The following GRAP2 variants were observed in gnomAD, a reference collection of about 807,000 sequenced individuals.
The protein encoded by GRAP2 is GRB2 related adaptor protein 2, also known as GRB2-related adapter protein 2.
A neutral mutation model predicts 43.5 loss-of-function variants in GRAP2; 31 were observed. That is an observed-to-expected ratio of 0.71 (90% CI 0.54 to 0.96). The LOEUF (loss-of-function observed/expected upper bound fraction) is 0.96. Among genes scored for constraint, GRAP2 ranks in the 40% least tolerant of loss-of-function variants. The pLI, the probability that GRAP2 is intolerant of heterozygous loss-of-function variation, is 0.00. For synonymous variants in GRAP2, 156 were observed against 164.8 expected, an observed-to-expected ratio of 0.95 and a Z score of 0.41; for missense variants, 371 against 424.4, an observed-to-expected ratio of 0.87 and a Z score of 1.11.
At chr22:39,962,727 G>A (rs779191385) in intron 4 of GRAP2, among the ~76,000 whole-genome samples, 1 of 151,880 alleles carries the variant, frequency 6.6e-6, no homozygotes, top group Non-Finnish European at 1.5e-5. Flanking sequence ...GCGCAATCTC[G>A]GCTCCCTGCA....
intron 1 of GRAP2, among the ~76,000 whole-genome samples, chr22:39,917,902 G>C (rs1398215216): frequency 6.6e-6 from 1 of 152,160 alleles, no homozygotes; most frequent in East Asian, 1.9e-4. Context: ...AAAAAATGAA[G>C]ACAACTCTGC....
chr22:39,955,979 A>G (rs1426350603), intron 3 of GRAP2, 69 bp downstream of exon 3: 6 of 809,782 alleles, frequency 7.4e-6, no homozygotes, highest in South Asian at 1.4e-5. Context: ...AGCAGTCACT[A>G]CAGTTATCCA....
chr22:39,917,784 T>A (rs1318737102), intron 1 of GRAP2, among the ~76,000 whole-genome samples: 1 of 152,248 alleles, frequency 6.6e-6, no homozygotes, highest in African/African-American at 2.4e-5. Flanking sequence ...GAAAAATTAA[T>A]GGCATTAGGG....
chr22:39,923,721 A>G (rs1366769639), intron 1 of GRAP2, among the ~76,000 whole-genome samples: 1 of 152,240 alleles, frequency 6.6e-6, no homozygotes, highest in Non-Finnish European at 1.5e-5. Context: ...CTGGACTTAA[A>G]ACAGTTTTTA....
intron 6 of GRAP2, 99 bp downstream of exon 6, chr22:39,968,371 A>G: frequency 7.0e-7 from 1 of 1,425,078 alleles, no homozygotes; most frequent in Middle Eastern, 2.0e-4. Context: ...AGAGTTCATG[A>G]TGAAGACCCT....
At chr22:39,945,675 T>C (rs2066914584) in intron 1 of GRAP2, among the ~76,000 whole-genome samples, 1 of 152,226 alleles carries the variant, frequency 6.6e-6, no homozygotes, top group South Asian at 2.1e-4. Context: ...CAGGATTTGA[T>C]AGTCATGGAG....
At chr22:39,944,874 A>T (rs1239012116) in intron 1 of GRAP2, among the ~76,000 whole-genome samples, 1 of 152,240 alleles carries the variant, frequency 6.6e-6, no homozygotes, top group Admixed American at 6.5e-5. Flanking sequence ...CCTTGTCTCC[A>T]TCCTGCTTAT....
chr22:39,967,726 A>G (rs554763370), intron 5 of GRAP2, among the ~76,000 whole-genome samples: 2 of 152,338 alleles, frequency 1.3e-5, no homozygotes, highest in African/African-American at 2.4e-5. Context: ...TTGTATCAGT[A>G]AAATGGAATA....
At chr22:39,913,712 C>T (rs1194238273) in intron 1 of GRAP2, among the ~76,000 whole-genome samples, 3 of 152,118 alleles carry the variant, frequency 2.0e-5, no homozygotes, top group Non-Finnish European at 2.9e-5. Context: ...GAACAGAACT[C>T]GAGAGGTCCT....
Position 39,911,561 on chromosome 22 carries a change from A to G in GRAP2, c.-15+10231A>G, listed in dbSNP as rs528984455. On this transcript the variant is annotated intron_variant, in intron 1 of 7. Transcript: ENST00000344138. ...CGCAGAGAGCTCACAGGTAACTTGT[A>G]TAATATTTATCATTTCAAGCTCATA... Among the ~76,000 whole-genome samples, 3 of 152,224 alleles carry G rather than the reference A, an allele frequency of 2.0e-5. No homozygotes were observed. In the East Asian group the frequency reaches 5.8e-4, roughly 29 times the overall value.
chr22:39,940,437 G>A (rs537458380), intron 1 of GRAP2, among the ~76,000 whole-genome samples: 1 of 149,398 alleles, frequency 6.7e-6, no homozygotes, highest in Non-Finnish European at 1.5e-5. Context: ...ATTGATTTGG[G>A]TCTCTAGAAG....
rs547154038 is a variant in GRAP2 at position 39,960,416 on chromosome 22, C to G, written c.290+242C>G. On this transcript the variant is annotated intron_variant, in intron 4 of 7. Transcript: ENST00000344138. ...TTTCTACGCCCATCTGCCTCCCCTT[C>G]TAGCCCAGGTGCTTCTGGAAGGGCA... The G allele has an allele frequency of 1.5e-5, 7 of 464,112 alleles. No individual in the cohort carries two copies. The East Asian group carries it at 2.0e-4, about 14-fold the overall frequency. The allele number at this position is 464,112 out of a possible 1,614,324, so 28.7% of individuals were successfully genotyped here. A position where few individuals can be genotyped will look rare whatever the true frequency, so the allele number is the denominator to read the frequency against.
intron 4 of GRAP2, among the ~76,000 whole-genome samples, chr22:39,965,332 C>G (rs866595082): frequency 6.6e-6 from 1 of 152,154 alleles, no homozygotes; most frequent in African/African-American, 2.4e-5. Flanking sequence ...GAGATCACAC[C>G]ACTGCACTCC....
chr22:39,963,081 T>TG (rs960690375), intron 4 of GRAP2, among the ~76,000 whole-genome samples: 53 of 152,230 alleles, frequency 3.5e-4, no homozygotes, highest in African/African-American at 1.2e-3. Context: ...CTAGTTATGG[T>TG]GACAATTACC....
At chr22:39,896,175 A>G (rs778264019), upstream of GRAP2, among the ~76,000 whole-genome samples, 20 of 152,240 alleles carry the variant, frequency 1.3e-4, no homozygotes, top group Admixed American at 3.9e-4. Flanking sequence ...TTGGAAGCAG[A>G]GGAACTGGAA....
intron 4 of GRAP2, among the ~76,000 whole-genome samples, chr22:39,963,034 A>C (rs1250297890): frequency 1.3e-5 from 2 of 152,210 alleles, no homozygotes; most frequent in African/African-American, 4.8e-5. Flanking sequence ...CTTGACTTCT[A>C]CCGAAGTCTT....
In GRAP2 at chr22:39,972,425, G is replaced by A. The variant is rs1454776341; in HGVS notation, c.*1341G>A. On this transcript the variant is annotated 3_prime_UTR_variant, in exon 8 of 8. Coordinates refer to ENST00000344138, the MANE Select transcript of GRAP2 (RefSeq NM_004810.4). ...TTTGTGCACTCCTGTGTGTATACAT[G>A]TGTGCTTGTGTATGCATATGTGTGC... 6.6e-6 allele frequency: 1 copy of A among 152,320 alleles called. No individual in the cohort carries two copies. Among genetic ancestry groups the A allele is most frequent in the Non-Finnish European group, 1.5e-5 (1 of 68,070 alleles). 9.4% of individuals were successfully genotyped at this position (152,320 alleles called of 1,614,324 possible).
chr22:39,897,571 G>A (rs780173115), upstream of GRAP2, among the ~76,000 whole-genome samples: 92 of 147,430 alleles, frequency 6.2e-4, no homozygotes, highest in Non-Finnish European at 1.1e-3. Context: ...CCAGGCTGGA[G>A]TGCAATGGCG....
At chr22:39,898,656 T>C (rs2066474711), upstream of GRAP2, among the ~76,000 whole-genome samples, 1 of 151,916 alleles carries the variant, frequency 6.6e-6, no homozygotes, top group Admixed American at 6.6e-5. Flanking sequence ...GTCCTAAAAA[T>C]ATACAAATTA....
Sources: gnomAD v4.1 joint callset for allele counts (sites outside exome capture counted in the v4.1 genomes callset) on GRCh38, gnomAD v4.1.1 for gene constraint, MANE v1.5 for transcripts, NCBI Gene and HGNC (gene_info 2026-07-23, HGNC 2026-07-21) for gene names.